Variants in RBFOX1 observed in about 807,000 individuals in gnomAD.
The protein encoded by RBFOX1 is RNA binding protein fox-1 homolog 1.
In RBFOX1, 8 loss-of-function variants were observed where a neutral mutation model predicts 57.7. The observed-to-expected ratio is 0.14, with a 90% CI of 0.08 to 0.25. RBFOX1 has a LOEUF of 0.25. Among genes scored for constraint, RBFOX1 ranks in the 10% least tolerant of loss-of-function variants. RBFOX1 has a pLI of 1.00. For missense variants in RBFOX1, 611 were observed against 548.5 expected (o/e 1.11, Z -1.14); for synonymous variants, 326 against 222.4 (o/e 1.47, Z -4.15).
intron 6 of RBFOX1, among the ~76,000 whole-genome samples, chr16:7,582,122 G>T (rs560093611): frequency 6.6e-6 from 1 of 151,836 alleles, no homozygotes; most frequent in Admixed American, 6.6e-5. Flanking sequence ...CTTTCTCCTG[G>T]GTTCAAGCGA....
intron 2 of RBFOX1, among the ~76,000 whole-genome samples, chr16:6,549,405 G>GGGAGGAGGAGGAGGGGAC (rs1567643228): frequency 7.5e-5 from 1 of 13,248 alleles, no homozygotes; most frequent in East Asian, 5.3e-3. Context: ...GGGAGGAGGA[G>GGGAGGAGGAGGAGGGGAC]GAGGGAGGAG....
chr16:5,543,132 A>C (rs1274022717), intron 2 of RBFOX1, among the ~76,000 whole-genome samples: 2 of 152,228 alleles, frequency 1.3e-5, no homozygotes, highest in Non-Finnish European at 2.9e-5. Context: ...TTTTCAAGTA[A>C]CTTAACTGTA....
chr16:5,422,112 A>C (rs2067347223), intron 1 of RBFOX1, among the ~76,000 whole-genome samples: 1 of 152,196 alleles, frequency 6.6e-6, no homozygotes, highest in Non-Finnish European at 1.5e-5. Flanking sequence ...GCCCATGCGA[A>C]TAAAAGTACT....
At chr16:5,753,792 A>G (rs989442845) in intron 3 of RBFOX1, among the ~76,000 whole-genome samples, 1 of 151,758 alleles carries the variant, frequency 6.6e-6, no homozygotes, top group African/African-American at 2.4e-5. Flanking sequence ...AGCACATTCC[A>G]TCTCATTTCA....
intron 2 of RBFOX1, among the ~76,000 whole-genome samples, chr16:6,560,391 T>A (rs2097165031): frequency 7.8e-6 from 1 of 128,516 alleles, no homozygotes; most frequent in South Asian, 2.7e-4. Flanking sequence ...AGGGCCAGTG[T>A]GGGCCTTACT....
intron 1 of RBFOX1, among the ~76,000 whole-genome samples, chr16:6,283,591 G>A (rs1157901846): frequency 2.6e-5 from 4 of 152,080 alleles, no homozygotes; most frequent in African/African-American, 7.2e-5. Context: ...GAACTCAGGT[G>A]AGTGAAAAAT....
At chr16:6,009,300 G>A (rs2094946114) in intron 4 of RBFOX1, among the ~76,000 whole-genome samples, 1 of 152,098 alleles carries the variant, frequency 6.6e-6, no homozygotes, top group Admixed American at 6.5e-5. Flanking sequence ...TTTTCACGTG[G>A]TTGCACTTTG....
intron 3 of RBFOX1, among the ~76,000 whole-genome samples, chr16:6,880,688 C>G (rs372906693): frequency 6.6e-6 from 1 of 152,156 alleles, no homozygotes; most frequent in African/African-American, 2.4e-5. Context: ...GAGCACTGAG[C>G]TGTATGATGT....
chr16:6,084,549 C>A (rs1055711622), intron 1 of RBFOX1, among the ~76,000 whole-genome samples: 1 of 152,126 alleles, frequency 6.6e-6, no homozygotes, highest in Non-Finnish European at 1.5e-5. Flanking sequence ...TGGCCCCTTC[C>A]TCATTCTTTT....
intron 4 of RBFOX1, among the ~76,000 whole-genome samples, chr16:7,234,522 C>A (rs375972663): frequency 2.0e-5 from 3 of 151,718 alleles, no homozygotes; most frequent in Non-Finnish European, 4.4e-5. Flanking sequence ...ATATAAGCAT[C>A]GTGTCCTGGA....
chr16:6,643,666 C>A (rs975984546), intron 2 of RBFOX1, among the ~76,000 whole-genome samples: 2 of 152,056 alleles, frequency 1.3e-5, no homozygotes, highest in African/African-American at 4.8e-5. Context: ...AGCTCGTAGA[C>A]CAGATGGATT....
intron 1 of RBFOX1, among the ~76,000 whole-genome samples, chr16:6,313,183 G>A (rs538924120): frequency 2.4e-4 from 36 of 152,258 alleles, no homozygotes; most frequent in African/African-American, 7.5e-4. Context: ...GGGACTGGGG[G>A]GAAGTGTGAT....
intron 2 of RBFOX1, among the ~76,000 whole-genome samples, chr16:6,450,080 G>C (rs1168038784): frequency 6.6e-6 from 1 of 152,136 alleles, no homozygotes; most frequent in East Asian, 1.9e-4. Context: ...CATGCCTTTT[G>C]TGCCTCTTTG....
chr16:6,821,727 T>G (rs2091342183), intron 3 of RBFOX1, among the ~76,000 whole-genome samples: 1 of 152,226 alleles, frequency 6.6e-6, no homozygotes. Context: ...CATCAATTTT[T>G]ATGGCTGAAT....
chr16:7,073,760 G>A (rs547814247), intron 4 of RBFOX1, among the ~76,000 whole-genome samples: 53 of 152,108 alleles, frequency 3.5e-4, no homozygotes, highest in Non-Finnish European at 5.9e-4. Flanking sequence ...TTACTCAGGG[G>A]GCTGAGGCAG....
At chr16:6,509,702 C>T (rs1021323076) in intron 2 of RBFOX1, among the ~76,000 whole-genome samples, 8 of 152,100 alleles carry the variant, frequency 5.3e-5, no homozygotes, top group Non-Finnish European at 1.0e-4. Flanking sequence ...GGATTGTTTG[C>T]AGCACAAAAG....
chr16:5,989,316 G>T (rs974699866), intron 4 of RBFOX1, among the ~76,000 whole-genome samples: 1 of 152,066 alleles, frequency 6.6e-6, no homozygotes, highest in Admixed American at 6.6e-5. Flanking sequence ...GGGTGACAGA[G>T]CAAGACTCTG....
chr16:6,017,368 C>T (rs182106478), upstream of RBFOX1, among the ~76,000 whole-genome samples: 1 of 152,300 alleles, frequency 6.6e-6, no homozygotes, highest in East Asian at 1.9e-4. Flanking sequence ...TCTTTTACAA[C>T]CCATCTCATC....
chr16:5,288,448 T>A (rs1280661629), intron 1 of RBFOX1, among the ~76,000 whole-genome samples: 2 of 152,114 alleles, frequency 1.3e-5, no homozygotes, highest in African/African-American at 2.4e-5. Flanking sequence ...CCCAGACAGG[T>A]ACTTTGCCCT....
Sources: gnomAD v4.1 joint callset for allele counts (sites outside exome capture counted in the v4.1 genomes callset) on GRCh38, gnomAD v4.1.1 for gene constraint, MANE v1.5 for transcripts, NCBI Gene and HGNC (gene_info 2026-07-23, HGNC 2026-07-21) for gene names.